SLC38A4: variants seen among roughly 807,000 people sequenced by gnomAD.
The protein encoded by SLC38A4 is sodium-coupled neutral amino acid transporter 4.
Under a neutral mutation model 63.1 loss-of-function variants are expected in SLC38A4, and 20 were observed. The ratio of observed to expected loss-of-function variants is 0.32; its 90% CI spans 0.22 to 0.46. The LOEUF (loss-of-function observed/expected upper bound fraction) is 0.46, where lower values mean the gene tolerates loss of function less well. SLC38A4 is among the 20% of genes least tolerant of loss of function. The pLI, the probability that SLC38A4 is intolerant of heterozygous loss-of-function variation, is 1.00. For synonymous variants in SLC38A4, 230 were observed against 225.5 expected, an observed-to-expected ratio of 1.02 and a Z score of -0.18; for missense variants, 526 against 663.6, an observed-to-expected ratio of 0.79 and a Z score of 2.28.
In SLC38A4 at chr12:46,766,589, G is replaced by T. The variant is rs1023926452; in HGVS notation, c.*112C>A. The T allele has an allele frequency of 3.7e-6, 3 of 819,256 alleles. No homozygotes were observed. Among genetic ancestry groups the T allele is most frequent in the Non-Finnish European group, 6.2e-6 (3 of 486,628 alleles). The allele number at this position is 819,256 out of a possible 1,614,324, so 50.7% of individuals were successfully genotyped here. A position where few individuals can be genotyped will look rare whatever the true frequency, so the allele number is the denominator to read the frequency against. ...GTGATATTACTGGTAAACGTCTTTG[G>T]AATCTTCCTGTTATTTCCTATGAAT... On this transcript the variant is annotated 3_prime_UTR_variant, in exon 17 of 17. Coordinates refer to ENST00000266579, the MANE Select transcript of SLC38A4 (RefSeq NM_018018.5).
chr12:46,771,604 G>A (rs1440072557), intron 14 of SLC38A4, among the ~76,000 whole-genome samples: 2 of 152,100 alleles, frequency 1.3e-5, no homozygotes, highest in African/African-American at 2.4e-5. Context: ...TAAGGAATAG[G>A]AAAATTCCAA....
chr12:46,801,952 T>G (rs1377771003), intron 2 of SLC38A4, among the ~76,000 whole-genome samples: 3 of 152,072 alleles, frequency 2.0e-5, no homozygotes, highest in Non-Finnish European at 4.4e-5. Context: ...ATTTTGGCAT[T>G]TCCTTTTTTC....
At chr12:46,789,553 G>A (rs537478186) in intron 3 of SLC38A4, among the ~76,000 whole-genome samples, 2 of 152,186 alleles carry the variant, frequency 1.3e-5, no homozygotes, top group South Asian at 2.1e-4. Context: ...TTGAGGCTAC[G>A]GACCTAGGAC....
At position 46,787,847 on chromosome 12, in the gene SLC38A4, T is replaced by C. The variant is rs1481291941; in HGVS notation, c.326+69A>G. 5 of 1,102,266 alleles carry C rather than the reference T, an allele frequency of 4.5e-6. No homozygotes were observed. The East Asian group carries it at 1.2e-4, about 27-fold the overall frequency. The allele number at this position is 1,102,266 out of a possible 1,614,324, so 68.3% of individuals were successfully genotyped here. On this transcript the variant is annotated intron_variant, in intron 5 of 16. Coordinates refer to ENST00000266579, the MANE Select transcript of SLC38A4 (RefSeq NM_018018.5). ...CGTTCACAAAGATCAAACTTGAGAT[T>C]GTTAATTGAAAAAGCCACCAGGTAT...
intron 3 of SLC38A4, among the ~76,000 whole-genome samples, chr12:46,790,347 C>G (rs1427921340): frequency 6.6e-6 from 1 of 152,028 alleles, no homozygotes; most frequent in Non-Finnish European, 1.5e-5. Flanking sequence ...TAGCCTTCTC[C>G]CCATATTTCT....
Position 46,788,559 on chromosome 12 carries a change from T to C in SLC38A4, c.179A>G (p.Lys60Arg), listed in dbSNP as rs932021171. 1.2e-6 allele frequency: 2 copies of C among 1,613,748 alleles called. No homozygotes were observed. The highest frequency in any genetic ancestry group is 1.7e-6 in the Non-Finnish European group (2 of 1,179,870). ...ATCAGCATAATCTGCCAGCTTCTTT[T>C]TCCCCAAAAATCCATTTGTCAGGAA... Reference protein sequence around the residue: ...QKFLTNGFLGKKKLADYADEH... With the variant: ...QKFLTNGFLGRKKLADYADEH... The change falls in exon 4 of 17, where the codon AAA becomes AGA. Residue 60 changes from lysine (K) to arginine (R), a missense_variant. Physicochemically the swap from Lys to Arg is conservative, Grantham distance 26. Transcript: ENST00000266579.
Position 46,765,444 on chromosome 12 carries a change from C to A in SLC38A4, c.*1257G>T. The A allele has an allele frequency of 2.8e-6, 1 of 361,352 alleles. No individual in the cohort carries two copies. The allele number at this position is 361,352 out of a possible 1,614,324, so 22.4% of individuals were successfully genotyped here. ...TTTTAGATATGCTAAATTAAAAGAA[C>A]AACTTTAGTATGATAAAAATTTGCA... On this transcript the variant is annotated 3_prime_UTR_variant, in exon 17 of 17. Transcript: ENST00000266579.
At chr12:46,815,270 T>G (rs984877989) in intron 1 of SLC38A4, among the ~76,000 whole-genome samples, 1 of 64,708 alleles carries the variant, frequency 1.5e-5, no homozygotes, top group African/African-American at 5.3e-5. Context: ...TATATATATA[T>G]ATATATATAT....
intron 1 of SLC38A4, among the ~76,000 whole-genome samples, chr12:46,806,846 A>G (rs1268139138): frequency 6.6e-6 from 1 of 152,018 alleles, no homozygotes; most frequent in Non-Finnish European, 1.5e-5. Flanking sequence ...GTTGGCTCAA[A>G]ATACAGTGAT....
At position 46,796,665 on chromosome 12, in the gene SLC38A4, G is replaced by A. The variant is rs142233770; in HGVS notation, c.-112-3482C>T. Among the ~76,000 whole-genome samples, 4 of 152,248 alleles carry A rather than the reference G, an allele frequency of 2.6e-5. No individual in the cohort carries two copies. In the East Asian group the frequency reaches 7.7e-4, roughly 29 times the overall value. On this transcript the variant is annotated intron_variant, in intron 2 of 16. Transcript: ENST00000266579. ...TACTCCGGGGGTGAAGCATTTTAAT[G>A]TATCTTCTTTTTGGTAGAGCTTCCA...
intron 5 of SLC38A4, 135 bp from the exon 6 acceptor site, chr12:46,785,312 C>A (rs539336521): frequency 1.5e-6 from 1 of 679,200 alleles, no homozygotes; most frequent in Non-Finnish European, 2.5e-6. Flanking sequence ...TTGGGGGAGG[C>A]TGAGAAATTC....
At chr12:46,822,229 G>C (rs1041719930) in intron 1 of SLC38A4, among the ~76,000 whole-genome samples, 23 of 152,074 alleles carry the variant, frequency 1.5e-4, no homozygotes, top group African/African-American at 5.1e-4. Context: ...ACTTAACAAA[G>C]GGTAATTATT....
At chr12:46,768,641 T>C (rs1938346593) in intron 15 of SLC38A4, among the ~76,000 whole-genome samples, 1 of 152,060 alleles carries the variant, frequency 6.6e-6, no homozygotes, top group Non-Finnish European at 1.5e-5. Flanking sequence ...CAACATATAA[T>C]AAGCAACAAA....
chr12:46,830,154 T>C (rs1939709388), upstream of SLC38A4, among the ~76,000 whole-genome samples: 1 of 152,192 alleles, frequency 6.6e-6, no homozygotes, highest in Non-Finnish European at 1.5e-5. Flanking sequence ...TGATAAAAAG[T>C]TTCCTTTCTC....
At chr12:46,810,616 T>C (rs1939321610) in intron 1 of SLC38A4, among the ~76,000 whole-genome samples, 1 of 151,762 alleles carries the variant, frequency 6.6e-6, no homozygotes, top group African/African-American at 2.4e-5. Flanking sequence ...AGAAATCATG[T>C]ATATCAAAAT....
At chr12:46,785,344 C>A (rs931049136) in intron 5 of SLC38A4, among the ~76,000 whole-genome samples, 167 bp from the exon 6 acceptor site, 5 of 151,970 alleles carry the variant, frequency 3.3e-5, no homozygotes, top group Middle Eastern at 3.4e-3. Context: ...CTACACATAC[C>A]CTTTAAAGTC....
Position 46,810,262 on chromosome 12 carries a change from G to C in SLC38A4, c.-304-6468C>G, listed in dbSNP as rs192613312. On this transcript the variant is annotated intron_variant, in intron 1 of 16. Transcript: ENST00000266579. ...AAAATAAGTTATAAATGGTGAAATA[G>C]AAAATCTAATAATAATAAGGTCCCT... 3.3e-3 allele frequency among the ~76,000 whole-genome samples: 505 copies of C among 152,036 alleles called. 4 individuals are homozygous for C. The highest frequency in any genetic ancestry group is 7.7e-3 in the South Asian group (37 of 4,820).
chr12:46,790,995 A>G (rs1938874425), intron 3 of SLC38A4, among the ~76,000 whole-genome samples: 1 of 152,202 alleles, frequency 6.6e-6, no homozygotes, highest in African/African-American at 2.4e-5. Flanking sequence ...GTGGTTCGGA[A>G]CACATTGCAT....
At chr12:46,807,329 G>T (rs1030541789) in intron 1 of SLC38A4, among the ~76,000 whole-genome samples, 1 of 151,364 alleles carries the variant, frequency 6.6e-6, no homozygotes, top group African/African-American at 2.4e-5. Flanking sequence ...TTGTATTTAT[G>T]ATGCCTTATT....
Sources: allele counts gnomAD v4.1 joint callset (sites outside exome capture counted in the v4.1 genomes callset), GRCh38; gene constraint gnomAD v4.1.1; transcripts MANE v1.5; gene names NCBI Gene and HGNC (gene_info 2026-07-23, HGNC 2026-07-21).